The following PIK3R1 variants were observed in gnomAD, a reference collection of about 807,000 sequenced individuals.
PIK3R1 encodes the protein phosphoinositide-3-kinase regulatory subunit 1.
PIK3R1 carries 29 observed loss-of-function variants against 98.0 expected under a neutral mutation model. The observed-to-expected ratio is 0.30, with a 90% CI of 0.22 to 0.40. PIK3R1 has a LOEUF of 0.40. Among genes scored for constraint, PIK3R1 ranks in the 10% least tolerant of loss-of-function variants. The probability of loss-of-function intolerance (pLI) is 1.00; values close to 1 mark genes in which losing one functional copy is unlikely to be tolerated. For synonymous variants in PIK3R1, 282 were observed against 311.8 expected (o/e 0.90, Z 1.01); for missense variants, 596 against 872.7 (o/e 0.68, Z 3.99).
chr5:68,294,536 G>C lies in PIK3R1; in HGVS notation c.1426G>C (p.Glu476Gln). The change falls in exon 12 of 16, where the codon GAA becomes CAA. Residue 476 changes from glutamate to glutamine, a missense_variant and splice_region_variant. Glu to Gln is a conservative substitution (Grantham distance 29). Coordinates refer to ENST00000521381, the MANE Select transcript of PIK3R1 (RefSeq NM_181523.3). The part of the protein sequence containing the change: ...LYEEYTRTSQ[E>Q]IQMKRTAIEA... ...TTATCTTTTTAAAATTATGTTGCAG[G>C]AAATCCAAATGAAAAGGACAGCTAT... is the stretch of plus-strand genomic sequence containing the variant. The C allele has an allele frequency of 6.3e-7, 1 of 1,598,840 alleles. No individual in the cohort carries two copies. The highest frequency in any genetic ancestry group is 2.2e-5 in the East Asian group (1 of 44,600).
intron 7 of PIK3R1, among the ~76,000 whole-genome samples, chr5:68,289,677 C>G: frequency 7.6e-6 from 1 of 131,330 alleles, no homozygotes. Flanking sequence ...TTTGAAGAGC[C>G]AAAATTGATT....
chr5:68,246,199 T>A (rs1745076647), intron 2 of PIK3R1, among the ~76,000 whole-genome samples: 1 of 152,226 alleles, frequency 6.6e-6, no homozygotes, highest in Admixed American at 6.5e-5. Flanking sequence ...TAGTATGCTG[T>A]ATGGGTGTAT....
intron 2 of PIK3R1, among the ~76,000 whole-genome samples, chr5:68,262,999 GTATACATA>G (rs1439118951): frequency 1.1e-4 from 6 of 54,426 alleles, no homozygotes; most frequent in African/African-American, 3.6e-4. Context: ...GTAGATACAT[GTATACATA>G]TATACATGTA....
rs919463734 is a variant in PIK3R1 at position 68,298,791 on chromosome 5, A to G, written c.*1190A>G. 4.4e-6 allele frequency: 1 copy of G among 226,992 alleles called. No homozygotes were observed. The highest frequency in any genetic ancestry group is 8.8e-6 in the Non-Finnish European group (1 of 114,116). The allele number at this position is 226,992 out of a possible 1,614,324, so 14.1% of individuals were successfully genotyped here. A position where few individuals can be genotyped will look rare whatever the true frequency, so the allele number is the denominator to read the frequency against. On this transcript the variant is annotated 3_prime_UTR_variant, in exon 16 of 16. Transcript: ENST00000521381. Reference sequence around the variant, plus strand: ...TGACAAAGTATTGCTGAGTCCAACAATGTTGTTTTAAGACTCTTAAAATAC... The same window carrying G: ...TGACAAAGTATTGCTGAGTCCAACAGTGTTGTTTTAAGACTCTTAAAATAC...
At chr5:68,270,831 G>A (rs1746325024) in intron 2 of PIK3R1, among the ~76,000 whole-genome samples, 1 of 152,152 alleles carries the variant, frequency 6.6e-6, no homozygotes, top group Non-Finnish European at 1.5e-5. Flanking sequence ...GGATACTTTT[G>A]TGAGTTGATA....
chr5:68,232,686 T>C (rs749588117), intron 2 of PIK3R1, among the ~76,000 whole-genome samples: 2 of 152,222 alleles, frequency 1.3e-5, no homozygotes, highest in Non-Finnish European at 2.9e-5. Context: ...AGGGTTATGG[T>C]AGGCAAGTTA....
intron 8 of PIK3R1, chr5:68,292,854 G>C: frequency 1.2e-6 from 1 of 805,006 alleles, no homozygotes; most frequent in South Asian, 2.1e-5. Context: ...ATATGCACCT[G>C]TTTGTGATGA....
intron 2 of PIK3R1, among the ~76,000 whole-genome samples, chr5:68,229,604 A>G (rs75429467): frequency 1.3e-4 from 20 of 152,252 alleles, no homozygotes; most frequent in Non-Finnish European, 2.8e-4. Context: ...AGCAGGGTAG[A>G]CAGAGGGTGC....
At chr5:68,231,901 GT>G (rs914751762) in intron 2 of PIK3R1, among the ~76,000 whole-genome samples, 27 of 152,146 alleles carry the variant, frequency 1.8e-4, no homozygotes, top group African/African-American at 5.6e-4. Flanking sequence ...CGACCACTCT[GT>G]TTTTGCGAGA....
chr5:68,245,948 A>G (rs986407595), intron 2 of PIK3R1, among the ~76,000 whole-genome samples: 1 of 152,230 alleles, frequency 6.6e-6, no homozygotes, highest in Non-Finnish European at 1.5e-5. Context: ...TCTTTCTAAG[A>G]CACATACTTG....
intron 2 of PIK3R1, among the ~76,000 whole-genome samples, chr5:68,253,295 A>G (rs1488498621): frequency 6.6e-6 from 1 of 152,152 alleles, no homozygotes; most frequent in Non-Finnish European, 1.5e-5. Flanking sequence ...TACATTTCAG[A>G]CAAGGATTTA....
intron 4 of PIK3R1, among the ~76,000 whole-genome samples, chr5:68,275,827 C>T (rs1746548443): frequency 6.6e-6 from 1 of 151,844 alleles, no homozygotes; most frequent in Non-Finnish European, 1.5e-5. Flanking sequence ...GTCACTTACA[C>T]CTAAAAAAAA....
At chr5:68,244,926 C>G (rs1322967138) in intron 2 of PIK3R1, among the ~76,000 whole-genome samples, 1 of 152,154 alleles carries the variant, frequency 6.6e-6, no homozygotes, top group Non-Finnish European at 1.5e-5. Flanking sequence ...AACCTCTCTG[C>G]ATCCCCTTGG....
intron 2 of PIK3R1, among the ~76,000 whole-genome samples, chr5:68,249,384 G>T (rs1745216281): frequency 6.6e-6 from 1 of 152,020 alleles, no homozygotes; most frequent in Non-Finnish European, 1.5e-5. Context: ...CTATATCATG[G>T]TATCTCTTCT....
intron 1 of PIK3R1, among the ~76,000 whole-genome samples, chr5:68,218,470 A>T (rs7700763): frequency 0.23 from 34,584 of 152,104 alleles, 4,561 homozygotes; most frequent in African/African-American, 0.36. Flanking sequence ...GTAAAAAGGC[A>T]TCTACTCTGA....
At chr5:68,281,926 A>G (rs1228556429) in intron 7 of PIK3R1, among the ~76,000 whole-genome samples, 1 of 152,142 alleles carries the variant, frequency 6.6e-6, no homozygotes, top group Admixed American at 6.5e-5. Flanking sequence ...GGTTACTTGC[A>G]TCTGGATGGG....
At chr5:68,271,152 T>C (rs1746341890) in intron 2 of PIK3R1, among the ~76,000 whole-genome samples, 1 of 152,164 alleles carries the variant, frequency 6.6e-6, no homozygotes, top group African/African-American at 2.4e-5. Context: ...TCTGAAGATT[T>C]AGGGTGGTAC....
chr5:68,297,529 C>G lies in PIK3R1; in HGVS notation c.2103C>G (p.Thr701=), dbSNP rs1747793274. The change falls in exon 16 of 16, where the codon ACC becomes ACG. Residue 701 remains threonine (T), a synonymous_variant. Transcript: ENST00000521381. The part of the protein sequence containing the change: ...LKELVLHYQH[T]SLVQHNDSLN... ...AACTGGTGCTACATTACCAACACACCTCCCTTGTGCAGCACAACGACTCCC... is the reference window on the plus strand; with the variant it reads ...AACTGGTGCTACATTACCAACACACGTCCCTTGTGCAGCACAACGACTCCC... 1 of 1,614,048 alleles carries G rather than the reference C, an allele frequency of 6.2e-7. No homozygotes were observed. The highest frequency in any genetic ancestry group is 1.7e-5 in the Admixed American group (1 of 60,006).
intron 2 of PIK3R1, among the ~76,000 whole-genome samples, chr5:68,264,250 T>A (rs1746027620): frequency 1.3e-5 from 2 of 152,156 alleles, no homozygotes; most frequent in Non-Finnish European, 2.9e-5. Flanking sequence ...CAAGCTCAAG[T>A]TAAAAAAATG....
Sources: gnomAD v4.1 joint callset for allele counts (sites outside exome capture counted in the v4.1 genomes callset) on GRCh38, gnomAD v4.1.1 for gene constraint, MANE v1.5 for transcripts, NCBI Gene and HGNC (gene_info 2026-07-23, HGNC 2026-07-21) for gene names.